The following MTCH2 variants were observed in gnomAD, a reference collection of about 807,000 sequenced individuals.
MTCH2 encodes mitochondrial carrier homolog 2.
MTCH2 carries 25 observed loss-of-function variants against 50.6 expected under a neutral mutation model. That is an observed-to-expected ratio of 0.49 (90% CI 0.36 to 0.69). MTCH2 has a LOEUF of 0.69. Ranked by LOEUF, MTCH2 falls within the 30% of genes least tolerant of loss-of-function variation. The pLI is 0.00. For missense variants in MTCH2, 273 were observed against 384.4 expected (o/e 0.71, Z 2.42); for synonymous variants, 106 against 132.0 (o/e 0.80, Z 1.35).
chr11:47,607,182 G>A, the MTCH2 span, among the ~76,000 whole-genome samples: 1 of 152,218 alleles, frequency 6.6e-6, no homozygotes, highest in Non-Finnish European at 1.5e-5. Flanking sequence ...GTGAGAAAAA[G>A]TGGCTATTAT....
chr11:47,610,705 AAAAAG>A, the MTCH2 span, among the ~76,000 whole-genome samples: 2 of 152,316 alleles, frequency 1.3e-5, no homozygotes, highest in African/African-American at 4.8e-5. Flanking sequence ...ACTCCGTCTC[AAAAAG>A]AAAAGAAAAC....
At chr11:47,629,241 C>T (rs2097300809) in intron 8 of MTCH2, 195 bp from the exon 9 acceptor site, 2 of 546,500 alleles carry the variant, frequency 3.7e-6, no homozygotes, top group Admixed American at 6.1e-5. Flanking sequence ...AGCTGATCTC[C>T]AGTGACTTTT....
At position 47,618,851 on chromosome 11, in the gene MTCH2, G is replaced by A; in HGVS notation, c.894C>T (p.Asp298=). The A allele has an allele frequency of 6.2e-7, 1 of 1,613,856 alleles. No homozygotes were observed. Among genetic ancestry groups the A allele is most frequent in the Non-Finnish European group, 8.5e-7 (1 of 1,179,816 alleles). ...CACATCTTCAAATTAACATTTTCAG[G>A]TCACAACAATAAGTCTTCCCAAAGG... ...KVPFGKTYCC[D]LKMLI Residue 298 remains aspartate (D), a synonymous_variant, in exon 13 of 13, where the codon GAC becomes GAT. Coordinates refer to ENST00000302503, the MANE Select transcript of MTCH2 (RefSeq NM_014342.4).
chr11:47,625,884 T>TA lies in MTCH2; in HGVS notation c.682-144dup, dbSNP rs2153799099. 3 of 573,848 alleles carry TA rather than the reference T, an allele frequency of 5.2e-6. 1 individual carries two copies. In the East Asian group the frequency reaches 9.0e-5, roughly 17 times the overall value. 35.5% of individuals were successfully genotyped at this position (573,848 alleles called of 1,614,324 possible). A position where few individuals can be genotyped will look rare whatever the true frequency, so the allele number is the denominator to read the frequency against. On this transcript the variant is annotated intron_variant, in intron 10 of 12. Coordinates refer to ENST00000302503, the MANE Select transcript of MTCH2 (RefSeq NM_014342.4). ...ATCGGTACCCTGGAAAGACAACAGT[T>TA]ACAGTTTTGAGCCTGGAGATGCTTC...
the MTCH2 span, among the ~76,000 whole-genome samples, chr11:47,605,198 G>C: frequency 6.6e-6 from 1 of 152,186 alleles, no homozygotes; most frequent in African/African-American, 2.4e-5. Context: ...AAAGTGTTGG[G>C]ATTACAGGTG....
At chr11:47,625,398 G>C (rs1269285867) in intron 11 of MTCH2, among the ~76,000 whole-genome samples, 3 of 145,820 alleles carry the variant, frequency 2.1e-5, no homozygotes, top group Non-Finnish European at 4.5e-5. Context: ...ACTCCAGCCT[G>C]GGCAACATAG....
chr11:47,640,120 G>A (rs1375622778), intron 1 of MTCH2, among the ~76,000 whole-genome samples: 2 of 152,008 alleles, frequency 1.3e-5, no homozygotes, highest in Non-Finnish European at 2.9e-5. Flanking sequence ...CCTGAGGTCA[G>A]GAGTTCAAGA....
intron 12 of MTCH2, among the ~76,000 whole-genome samples, chr11:47,620,690 A>C (rs2097292468): frequency 6.6e-6 from 1 of 152,098 alleles, no homozygotes; most frequent in Non-Finnish European, 1.5e-5. Context: ...ATAAAGTAAT[A>C]ATGTTCTGAG....
At chr11:47,628,311 G>T (rs895409581) in intron 9 of MTCH2, among the ~76,000 whole-genome samples, 1 of 152,138 alleles carries the variant, frequency 6.6e-6, no homozygotes, top group Non-Finnish European at 1.5e-5. Context: ...ACACCATAAA[G>T]ATGTCCTGCT....
intron 8 of MTCH2, among the ~76,000 whole-genome samples, chr11:47,630,071 C>G (rs542305239): frequency 6.6e-6 from 1 of 152,236 alleles, no homozygotes; most frequent in East Asian, 1.9e-4. Flanking sequence ...CTCTGTCACC[C>G]GGGCTGGAGT....
the MTCH2 span, among the ~76,000 whole-genome samples, chr11:47,611,212 CACTT>C: frequency 6.6e-6 from 1 of 152,348 alleles, no homozygotes; most frequent in African/African-American, 2.4e-5. Context: ...CCAAGCTACT[CACTT>C]AATGACTGAC....
the MTCH2 span, among the ~76,000 whole-genome samples, chr11:47,609,143 A>AAG: frequency 6.8e-6 from 1 of 147,068 alleles, no homozygotes; most frequent in Admixed American, 6.7e-5. Flanking sequence ...AAAAAAAAAA[A>AAG]AAAGAAAAAA....
chr11:47,619,883 CCTGA>C (rs1279025658), intron 12 of MTCH2, among the ~76,000 whole-genome samples: 1 of 152,068 alleles, frequency 6.6e-6, no homozygotes, highest in East Asian at 1.9e-4. Flanking sequence ...TCGAGACCAG[CCTGA>C]CTAACATAGT....
intron 8 of MTCH2, among the ~76,000 whole-genome samples, 168 bp downstream of exon 8, chr11:47,630,387 T>C (rs1340198002): frequency 6.6e-6 from 1 of 152,072 alleles, no homozygotes; most frequent in Non-Finnish European, 1.5e-5. Context: ...AAATATGCCT[T>C]TCTGCAGAGA....
chr11:47,604,512 AC>A, the MTCH2 span, among the ~76,000 whole-genome samples: 5 of 152,196 alleles, frequency 3.3e-5, no homozygotes, highest in African/African-American at 1.2e-4. Flanking sequence ...TTTTTCAGAT[AC>A]ATGCCCACTT....
the MTCH2 span, among the ~76,000 whole-genome samples, chr11:47,607,845 T>C: frequency 1.3e-5 from 2 of 152,290 alleles, no homozygotes; most frequent in South Asian, 2.1e-4. Flanking sequence ...CCAGTTTGAG[T>C]TGGGCTTCTG....
In MTCH2 at chr11:47,629,032, C is replaced by T. The variant is rs775822841; in HGVS notation, c.554G>A (p.Arg185His). The part of the protein sequence containing the change: ...ILGFFAGLVP[R>H]LLGDILSLWL... ...CAAAGAAAGGATGTCACCTAGAAGG[C>T]GAGGAACAAGACCCCTACATGAAGA... Residue 185 changes from arginine to histidine, a missense_variant, in exon 9 of 13, where the codon CGC becomes CAC. Physicochemically the swap from Arg to His is conservative, Grantham distance 29. This residue lies in a region of MTCH2 where 203 missense variants were observed against 244.3 expected (regional missense o/e 0.83). Coordinates refer to ENST00000302503, the MANE Select transcript of MTCH2 (RefSeq NM_014342.4). 9.3e-6 allele frequency: 15 copies of T among 1,612,894 alleles called. No individual in the cohort carries two copies. Among genetic ancestry groups the T allele is most frequent in the East Asian group, 2.2e-5 (1 of 44,856 alleles).
chr11:47,616,035 C>T (rs1193118669), downstream of MTCH2, among the ~76,000 whole-genome samples: 9 of 151,526 alleles, frequency 5.9e-5, no homozygotes, highest in Admixed American at 1.3e-4. Context: ...CTCAGCTTAC[C>T]GCAACCTCCG....
the MTCH2 span, among the ~76,000 whole-genome samples, chr11:47,610,155 A>G: frequency 1.5e-4 from 23 of 152,192 alleles, no homozygotes; most frequent in Non-Finnish European, 4.4e-5. Context: ...TGTTCAACAC[A>G]CATCTGTGGA....
Sources: gnomAD v4.1 joint callset for allele counts (sites outside exome capture counted in the v4.1 genomes callset) on GRCh38, gnomAD v4.1.1 for gene constraint, gnomAD v4.1.1 regional missense constraint, MANE v1.5 for transcripts, NCBI Gene and HGNC (gene_info 2026-07-23, HGNC 2026-07-21) for gene names.